The following DCAF8L2 variants were observed in gnomAD, a reference collection of about 807,000 sequenced individuals.
DCAF8L2 encodes DDB1- and CUL4-associated factor 8-like protein 2.
For synonymous variants in DCAF8L2, 200 were observed against 190.9 expected, an observed-to-expected ratio of 1.05 and a Z score of -0.39; for missense variants, 430 against 490.7, an observed-to-expected ratio of 0.88 and a Z score of 1.17.
chrX:27,509,973 C>T, the DCAF8L2 span, among the ~76,000 whole-genome samples: 6 of 111,211 alleles, frequency 5.4e-5, no homozygotes, highest in Admixed American at 9.6e-5. Flanking sequence ...TTTAATTCCC[C>T]ATGCAAAGCC....
At chrX:27,707,125 G>C (rs1931369654) in intron 3 of DCAF8L2, among the ~76,000 whole-genome samples, 1 of 110,904 alleles carries the variant, frequency 9.0e-6, no homozygotes, top group Admixed American at 9.6e-5. Flanking sequence ...AGGTGAATGG[G>C]GGGAAATGGG....
the DCAF8L2 span, among the ~76,000 whole-genome samples, chrX:27,509,255 A>C: frequency 9.0e-6 from 1 of 111,660 alleles, no homozygotes; most frequent in East Asian, 2.8e-4. Flanking sequence ...TGAGATTTCA[A>C]CATCATGCCA....
the DCAF8L2 span, among the ~76,000 whole-genome samples, chrX:27,490,609 C>T: frequency 2.7e-5 from 3 of 109,741 alleles, no homozygotes; most frequent in South Asian, 3.9e-4. Flanking sequence ...CTACAGGCGT[C>T]GGCCACCACG....
At chrX:27,551,066 A>G in the DCAF8L2 span, among the ~76,000 whole-genome samples, 2 of 109,910 alleles carry the variant, frequency 1.8e-5, no homozygotes, top group Non-Finnish European at 3.8e-5. Context: ...AACTTAATAA[A>G]TGTGTGTGTC....
At chrX:27,731,713 C>T (rs185397234) in intron 4 of DCAF8L2, among the ~76,000 whole-genome samples, 1 of 111,735 alleles carries the variant, frequency 8.9e-6, no homozygotes, top group African/African-American at 3.3e-5. Flanking sequence ...ATACACAGTA[C>T]ATAACAGGCT....
At chrX:27,485,924 C>CTTTT in the DCAF8L2 span, among the ~76,000 whole-genome samples, 737 of 58,724 alleles carry the variant, frequency 0.013, 22 homozygotes, top group Admixed American at 0.074. Context: ...TTCTTTTTCT[C>CTTTT]TTTTTTTTTT....
rs1466678713 is a variant in DCAF8L2 at position 27,747,562 on chromosome X, C to T, written c.667C>T (p.Arg223Cys). 3 of 1,186,910 alleles carry T rather than the reference C, an allele frequency of 2.5e-6. No homozygotes were observed. The highest frequency in any genetic ancestry group is 3.4e-6 in the Non-Finnish European group (3 of 883,062). Reference protein sequence around the residue: ...AFVQRFRLQYRLADHVGCVNT... With the variant: ...AFVQRFRLQYCLADHVGCVNT... ...TGTGCAGCGTTTCCGCCTGCAATAT[C>T]GTCTTGCAGACCATGTCGGCTGTGT... Residue 223 changes from arginine (R) to cysteine (C), a missense_variant, in exon 5 of 5, where the codon CGT becomes TGT. Transcript: ENST00000451261.
chrX:27,747,324 G>GGAGGAAGAA lies in DCAF8L2; in HGVS notation c.432_440dup (p.Glu145_Glu147dup). 1.0e-5 allele frequency: 11 copies of GGAGGAAGAA among 1,079,293 alleles called. No individual in the cohort carries two copies. The highest frequency in any genetic ancestry group is 1.3e-5 in the Non-Finnish European group (11 of 817,483). 88.9% of individuals were successfully genotyped at this position (1,079,293 alleles called of 1,213,427 possible). A position where few individuals can be genotyped will look rare whatever the true frequency, so the allele number is the denominator to read the frequency against. ...AGGAGGAGGAGGAGGAGGAGGAGGA[G>GGAGGAAGAA]GAGGAAGAAGAACAGCCTCGGGCGG... is the stretch of plus-strand genomic sequence containing the variant. On this transcript the variant is annotated inframe_insertion, in exon 5 of 5. Coordinates refer to ENST00000451261, the MANE Select transcript of DCAF8L2 (RefSeq NM_001353450.2).
intron 4 of DCAF8L2, among the ~76,000 whole-genome samples, chrX:27,729,481 C>A (rs1921062644): frequency 8.9e-6 from 1 of 111,936 alleles, no homozygotes; most frequent in South Asian, 3.7e-4. Flanking sequence ...GCCATCCCAT[C>A]TTAGTCCATT....
the DCAF8L2 span, among the ~76,000 whole-genome samples, chrX:27,490,870 T>C: frequency 6.4e-4 from 71 of 111,739 alleles, no homozygotes; most frequent in African/African-American, 2.1e-3. Context: ...GTCTCCAATG[T>C]CTACTGTTCC....
Position 27,747,718 on chromosome X carries a change from T to A in DCAF8L2, c.823T>A (p.Phe275Ile), listed in dbSNP as rs896879957. Reference protein sequence around the residue: ...NFESGHTNNVFQAKFLPNCGD... With the variant: ...NFESGHTNNVIQAKFLPNCGD... ...TGAAAGTGGTCACACAAATAATGTC[T>A]TCCAGGCCAAGTTCCTTCCTAACTG... Residue 275 changes from phenylalanine to isoleucine, a missense_variant, in exon 5 of 5, where the codon TTC becomes ATC. Physicochemically the swap from Phe to Ile is conservative, Grantham distance 21. Coordinates refer to ENST00000451261, the MANE Select transcript of DCAF8L2 (RefSeq NM_001353450.2). The A allele has an allele frequency of 1.7e-6, 2 of 1,209,674 alleles. No individual in the cohort carries two copies. The highest frequency in any genetic ancestry group is 2.2e-6 in the Non-Finnish European group (2 of 894,818).
At chrX:27,741,437 G>C (rs5926491) in intron 4 of DCAF8L2, among the ~76,000 whole-genome samples, 43,455 of 96,604 alleles carry the variant, frequency 0.45, 9,139 homozygotes, top group African/African-American at 0.66. Flanking sequence ...CAGCACCATG[G>C]CTTAGGAGAC....
the DCAF8L2 span, among the ~76,000 whole-genome samples, chrX:27,513,410 T>A: frequency 2.7e-5 from 3 of 111,652 alleles, no homozygotes; most frequent in Non-Finnish European, 5.6e-5. Context: ...AATAATCTTA[T>A]TAAAAAATGA....
intron 4 of DCAF8L2, 169 bp from the exon 5 acceptor site, chrX:27,746,669 C>T (rs1026905626): frequency 2.2e-5 from 8 of 363,449 alleles, no homozygotes; most frequent in Non-Finnish European, 2.8e-5. Flanking sequence ...TGCTGCGAGG[C>T]GGCGAGCAGG....
intron 1 of DCAF8L2, among the ~76,000 whole-genome samples, chrX:27,602,717 T>C (rs1926705936): frequency 9.0e-6 from 1 of 111,617 alleles, no homozygotes; most frequent in African/African-American, 3.2e-5. Context: ...GTTAGAAAAA[T>C]TGCTAGTTGT....
At chrX:27,547,876 T>C in the DCAF8L2 span, among the ~76,000 whole-genome samples, 32 of 65,452 alleles carry the variant, frequency 4.9e-4, no homozygotes, top group Non-Finnish European at 8.6e-4. Flanking sequence ...TCTCTTTCTC[T>C]CTCTCTCTCT....
At chrX:27,541,343 T>TTTTTTTTA in the DCAF8L2 span, among the ~76,000 whole-genome samples, 45 of 94,086 alleles carry the variant, frequency 4.8e-4, no homozygotes, top group South Asian at 1.1e-3. Context: ...TTATTTTTTA[T>TTTTTTTTA]TTTATTTATT....
intron 1 of DCAF8L2, among the ~76,000 whole-genome samples, chrX:27,607,020 T>C (rs1569158158): frequency 9.0e-6 from 1 of 110,945 alleles, no homozygotes; most frequent in Non-Finnish European, 1.9e-5. Context: ...GTAAAGAAAA[T>C]TTCAGCAGCA....
At chrX:27,557,887 A>C in the DCAF8L2 span, among the ~76,000 whole-genome samples, 1 of 111,151 alleles carries the variant, frequency 9.0e-6, no homozygotes, top group Non-Finnish European at 1.9e-5. Flanking sequence ...AGCGCCTAGA[A>C]AATTCCAGTG....
Sources: allele counts gnomAD v4.1 joint callset (sites outside exome capture counted in the v4.1 genomes callset), GRCh38; gene constraint gnomAD v4.1.1; transcripts MANE v1.5; gene names NCBI Gene and HGNC (gene_info 2026-07-23, HGNC 2026-07-21).